The following DLG2 variants were observed in gnomAD, a reference collection of about 807,000 sequenced individuals.
DLG2 encodes disks large homolog 2.
In DLG2, 45 loss-of-function variants were observed where a neutral mutation model predicts 132.5. The ratio of observed to expected loss-of-function variants is 0.34; its 90% CI spans 0.27 to 0.44. The LOEUF (loss-of-function observed/expected upper bound fraction) is 0.44, where lower values mean the gene tolerates loss of function less well. DLG2 is among the 20% of genes least tolerant of loss of function. The probability of loss-of-function intolerance (pLI) is 1.00; values close to 1 mark genes in which losing one functional copy is unlikely to be tolerated. For synonymous variants in DLG2, 424 were observed against 419.6 expected, an observed-to-expected ratio of 1.01 and a Z score of -0.13; for missense variants, 1,045 against 1,196.9, an observed-to-expected ratio of 0.87 and a Z score of 1.87.
chr11:84,264,179 G>GAATA (rs2097583082), intron 7 of DLG2, among the ~76,000 whole-genome samples: 1 of 152,106 alleles, frequency 6.6e-6, no homozygotes, highest in Non-Finnish European at 1.5e-5. Flanking sequence ...TGATGCCAAA[G>GAATA]AATATACTCT....
chr11:83,833,104 G>GT (rs771725928), intron 17 of DLG2, among the ~76,000 whole-genome samples: 1 of 152,142 alleles, frequency 6.6e-6, no homozygotes, highest in East Asian at 1.9e-4. Context: ...TTTGAGGGAA[G>GT]TAAGTGCCAC....
intron 3 of DLG2, among the ~76,000 whole-genome samples, chr11:85,344,361 G>A (rs545948182): frequency 1.1e-4 from 16 of 152,170 alleles, no homozygotes; most frequent in African/African-American, 7.2e-5. Context: ...TCAAAAACTC[G>A]AGGCTTAGTT....
At chr11:83,572,946 C>T (rs1222036863) in intron 19 of DLG2, among the ~76,000 whole-genome samples, 2 of 152,204 alleles carry the variant, frequency 1.3e-5, no homozygotes, top group Admixed American at 6.5e-5. Context: ...TGCCCCATCA[C>T]TTTACAGCAT....
intron 6 of DLG2, among the ~76,000 whole-genome samples, chr11:84,857,845 T>G (rs2082996036): frequency 6.6e-6 from 1 of 152,038 alleles, no homozygotes; most frequent in African/African-American, 2.4e-5. Flanking sequence ...CTAAAGTTGT[T>G]ACCAATAAAA....
At chr11:84,105,287 G>GC (rs953367480) in intron 9 of DLG2, among the ~76,000 whole-genome samples, 3 of 152,180 alleles carry the variant, frequency 2.0e-5, no homozygotes, top group South Asian at 2.1e-4. Flanking sequence ...CACTGGCTCT[G>GC]CCATTGACAT....
chr11:83,844,480 G>A (rs2058232492), intron 16 of DLG2, among the ~76,000 whole-genome samples: 2 of 138,174 alleles, frequency 1.4e-5, no homozygotes, highest in Non-Finnish European at 3.1e-5. Flanking sequence ...CCTGGGAGGC[G>A]GAAGTTGCAG....
At chr11:83,684,902 A>T (rs2153605437) in intron 18 of DLG2, among the ~76,000 whole-genome samples, 1 of 152,240 alleles carries the variant, frequency 6.6e-6, no homozygotes, top group South Asian at 2.1e-4. Context: ...AATAATCATA[A>T]TTTTATACAT....
intron 3 of DLG2, among the ~76,000 whole-genome samples, chr11:85,510,442 A>C (rs1209036753): frequency 2.0e-5 from 3 of 152,142 alleles, no homozygotes; most frequent in Non-Finnish European, 2.9e-5. Flanking sequence ...CAACCTACAG[A>C]ATGGGAGAAA....
chr11:84,924,563 G>A (rs970378035), intron 6 of DLG2, among the ~76,000 whole-genome samples: 1 of 152,178 alleles, frequency 6.6e-6, no homozygotes, highest in Non-Finnish European at 1.5e-5. Flanking sequence ...AGGAAGAAAG[G>A]TATTTCAGGG....
At chr11:83,873,567 G>C (rs1332088935) in intron 16 of DLG2, among the ~76,000 whole-genome samples, 1 of 152,142 alleles carries the variant, frequency 6.6e-6, no homozygotes, top group African/African-American at 2.4e-5. Flanking sequence ...TAGCTACATG[G>C]AAATGCAACT....
At chr11:84,009,965 GC>G (rs2094791914) in intron 11 of DLG2, among the ~76,000 whole-genome samples, 1 of 152,020 alleles carries the variant, frequency 6.6e-6, no homozygotes, top group East Asian at 1.9e-4. Context: ...TGGCAGCAAA[GC>G]CTTTCTTCCT....
At chr11:83,823,410 T>TTAATATGTAATATTAATATG (rs1271870887) in intron 17 of DLG2, among the ~76,000 whole-genome samples, 7 of 152,190 alleles carry the variant, frequency 4.6e-5, no homozygotes, top group African/African-American at 1.2e-4. Context: ...TATTTAGCAT[T>TTAATATGTAATATTAATATG]TAATATGTAA....
chr11:85,037,350 T>C (rs2061509210), intron 6 of DLG2, among the ~76,000 whole-genome samples: 1 of 152,204 alleles, frequency 6.6e-6, no homozygotes, highest in Non-Finnish European at 1.5e-5. Flanking sequence ...TTCAAATTTC[T>C]CTGAGACTAA....
chr11:84,835,806 G>A (rs945214292), intron 6 of DLG2, among the ~76,000 whole-genome samples: 8 of 151,674 alleles, frequency 5.3e-5, no homozygotes, highest in Non-Finnish European at 1.0e-4. Flanking sequence ...AATGAATATA[G>A]ATGTAATAAT....
chr11:85,141,330 A>G (rs771821296), intron 5 of DLG2, among the ~76,000 whole-genome samples: 2 of 150,562 alleles, frequency 1.3e-5, no homozygotes, highest in Non-Finnish European at 3.0e-5. Context: ...AATGTTGAGT[A>G]TTTTTCATAT....
At chr11:85,448,382 G>C (rs775160164) in intron 3 of DLG2, among the ~76,000 whole-genome samples, 1 of 152,028 alleles carries the variant, frequency 6.6e-6, no homozygotes, top group African/African-American at 2.4e-5. Flanking sequence ...ATAAGATTTG[G>C]GGTGAGAAAG....
chr11:85,201,284 C>G (rs1046414113), intron 4 of DLG2, among the ~76,000 whole-genome samples: 11 of 152,214 alleles, frequency 7.2e-5, no homozygotes, highest in Admixed American at 1.3e-4. Flanking sequence ...GCCAATGAAA[C>G]AGTCTCACCA....
At chr11:84,744,549 T>G (rs2065106464) in intron 6 of DLG2, among the ~76,000 whole-genome samples, 2 of 152,212 alleles carry the variant, frequency 1.3e-5, no homozygotes, top group Non-Finnish European at 1.5e-5. Context: ...TCAAAAGGAT[T>G]AGGCAGCACT....
chr11:84,978,507 C>A (rs2154118273), intron 6 of DLG2, among the ~76,000 whole-genome samples: 1 of 151,960 alleles, frequency 6.6e-6, no homozygotes, highest in South Asian at 2.1e-4. Context: ...TGGAACACAA[C>A]AGAGCCCTCT....
Sources: gnomAD v4.1 joint callset for allele counts (sites outside exome capture counted in the v4.1 genomes callset) on GRCh38, gnomAD v4.1.1 for gene constraint, MANE v1.5 for transcripts, NCBI Gene and HGNC (gene_info 2026-07-23, HGNC 2026-07-21) for gene names.